PSG9: variants seen among roughly 807,000 people sequenced by gnomAD.
PSG9 encodes pregnancy specific beta-1-glycoprotein 9, also known as pregnancy-specific beta-1-glycoprotein 9.
A neutral mutation model predicts 41.9 loss-of-function variants in PSG9; 49 were observed. That is an observed-to-expected ratio of 1.17 (90% CI 0.93 to 1.48). The LOEUF (loss-of-function observed/expected upper bound fraction) is 1.48. PSG9 is among the 40% of genes most tolerant of loss of function. The probability of loss-of-function intolerance (pLI) is 0.00; values close to 1 mark genes in which losing one functional copy is unlikely to be tolerated. For synonymous variants in PSG9, 263 were observed against 196.8 expected (o/e 1.34, Z -2.82); for missense variants, 641 against 520.3 (o/e 1.23, Z -2.26).
Position 43,267,827 on chromosome 19 carries a change from A to C in PSG9, c.387T>G (p.Asp129Glu). The change falls in exon 2 of 6, where the codon GAT (aspartate) becomes GAG (glutamate). Residue 129 changes from aspartate to glutamate, a missense_variant. Physicochemically the swap from Asp to Glu is conservative, Grantham distance 45. Transcript: ENST00000270077. The part of the protein sequence containing the change: ...TYTLHIIKRG[D>E]ETREEIRHFT... The stretch of plus-strand genomic sequence containing the variant: ...AATGTCGAATTTCTTCTCTAGTCTC[A>C]TCACCTCGCTTTATGATGTGTAAGG... 2 of 1,613,480 alleles carry C rather than the reference A, an allele frequency of 1.2e-6. No homozygotes were observed.
Position 43,268,337 on chromosome 19 carries a change from G to T in PSG9, c.65-188C>A, listed in dbSNP as rs200839201. On this transcript the variant is annotated intron_variant, in intron 1 of 5. Coordinates refer to ENST00000270077, the MANE Select transcript of PSG9 (RefSeq NM_002784.5). The stretch of plus-strand genomic sequence containing the variant: ...TATGTGTATGTGTGTGTGTCCTACT[G>T]TCCTACTAGGTCAAGGTCAGCAGCA... Among the ~76,000 whole-genome samples the T allele has an allele frequency of 2.0e-5, 3 of 151,494 alleles. No homozygotes were observed. In the East Asian group the frequency reaches 5.8e-4, roughly 29 times the overall value.
chr19:43,253,374 A>G lies in PSG9; in HGVS notation c.*235T>C, dbSNP rs1183482537. The stretch of plus-strand genomic sequence containing the variant: ...CTGGGGCATTCAGATAGACAGCAAA[A>G]GCAAATATTTCAATTTTTGTTTACA... On this transcript the variant is annotated 3_prime_UTR_variant, in exon 6 of 6. Transcript: ENST00000270077. 12 of 373,816 alleles carry G rather than the reference A, an allele frequency of 3.2e-5. 1 individual carries two copies. In the Admixed American group the frequency reaches 4.6e-4, roughly 14 times the overall value. 23.2% of individuals were successfully genotyped at this position (373,816 alleles called of 1,614,324 possible). A position where few individuals can be genotyped will look rare whatever the true frequency, so the allele number is the denominator to read the frequency against.
intron 2 of PSG9, among the ~76,000 whole-genome samples, chr19:43,262,425 T>G (rs1158726546): frequency 2.6e-5 from 4 of 152,164 alleles, no homozygotes; most frequent in Non-Finnish European, 5.9e-5. Context: ...CTGATGCCTC[T>G]TTGAGTCCCT....
intron 2 of PSG9, among the ~76,000 whole-genome samples, chr19:43,265,667 TA>T (rs1168837240): frequency 1.3e-5 from 2 of 152,116 alleles, no homozygotes; most frequent in Non-Finnish European, 2.9e-5. Flanking sequence ...TTGGAGTCAT[TA>T]AAATCTTTCT....
At chr19:43,262,527 C>G (rs146799818) in intron 2 of PSG9, among the ~76,000 whole-genome samples, 4 of 152,168 alleles carry the variant, frequency 2.6e-5, no homozygotes, top group African/African-American at 9.7e-5. Context: ...ACTTTGCCCC[C>G]TGAGGTATGT....
At chr19:43,267,512 G>A (rs1599841769) in intron 2 of PSG9, among the ~76,000 whole-genome samples, 1 of 152,138 alleles carries the variant, frequency 6.6e-6, no homozygotes, top group Admixed American at 6.5e-5. Flanking sequence ...GGCATGATGT[G>A]CTTGGCTGAG....
chr19:43,264,942 A>C (rs1268511858), intron 2 of PSG9, among the ~76,000 whole-genome samples: 1 of 152,094 alleles, frequency 6.6e-6, no homozygotes, highest in Non-Finnish European at 1.5e-5. Context: ...GGGTGAAATG[A>C]GTCCATGTGC....
chr19:43,266,605 A>C (rs1968979473), intron 2 of PSG9, among the ~76,000 whole-genome samples: 1 of 152,056 alleles, frequency 6.6e-6, no homozygotes, highest in Non-Finnish European at 1.5e-5. Context: ...TATTTTTTGC[A>C]CTGACTCTGA....
chr19:43,254,982 T>C (rs1240289451), intron 5 of PSG9, among the ~76,000 whole-genome samples: 1 of 143,642 alleles, frequency 7.0e-6, no homozygotes, highest in Non-Finnish European at 1.5e-5. Flanking sequence ...TCCTAGCATC[T>C]TGGGAGGCTG....
intron 1 of PSG9, among the ~76,000 whole-genome samples, chr19:43,268,625 A>G (rs922846196): frequency 1.3e-4 from 20 of 152,158 alleles, no homozygotes; most frequent in Admixed American, 1.2e-3. Flanking sequence ...TCCCCATGAC[A>G]GCGTGAGCTC....
chr19:43,255,716 C>T (rs1465113851), intron 5 of PSG9, among the ~76,000 whole-genome samples: 1 of 145,996 alleles, frequency 6.8e-6, no homozygotes, highest in Non-Finnish European at 1.5e-5. Context: ...TAACCATGAA[C>T]AATCTGAAGG....
In PSG9 at chr19:43,267,674, A is replaced by G. The variant is rs531744117; in HGVS notation, c.430+110T>C. The G allele has an allele frequency of 3.1e-3, 4,794 of 1,547,466 alleles. 31 individuals are homozygous for G. Among genetic ancestry groups the G allele is most frequent in the Non-Finnish European group, 4.0e-3 (4,438 of 1,121,634 alleles). On this transcript the variant is annotated intron_variant, in intron 2 of 5. Transcript: ENST00000270077. The stretch of plus-strand genomic sequence containing the variant: ...CTAAATGCCCAAACCCCAGCATGGG[A>G]CATAATGCAGAGAGTGACACAGGCA...
At chr19:43,267,586 G>A (rs1406995730) in intron 2 of PSG9, among the ~76,000 whole-genome samples, 198 bp downstream of exon 2, 2 of 152,084 alleles carry the variant, frequency 1.3e-5, no homozygotes, top group Non-Finnish European at 2.9e-5. Flanking sequence ...GTGTCTGCAG[G>A]GTCTGGATGC....
rs779358971 is a variant in PSG9, at chr19:43,262,076, C to T, written c.493G>A (p.Val165Met). 2.5e-6 allele frequency: 4 copies of T among 1,614,004 alleles called. No individual in the cohort carries two copies. In the South Asian group the frequency reaches 4.4e-5, roughly 18 times the overall value. Residue 165 changes from valine (V) to methionine (M), a missense_variant, in exon 3 of 6, where the codon GTG becomes ATG. By Grantham distance (21) the Val-to-Met change is conservative. Coordinates refer to ENST00000270077, the MANE Select transcript of PSG9 (RefSeq NM_002784.5). The stretch of plus-strand genomic sequence containing the variant: ...GTCTCAGGATCACAGATTAAGCGCA[C>T]AGCCTCCATGGCCTCCCTGGGGTTT... ...NLNPREAMEA[V>M]RLICDPETLD...
In PSG9 at chr19:43,267,917, T is replaced by C. The variant is rs1427656057; in HGVS notation, c.297A>G (p.Glu99=). ...GCAGGGATGCGTTGGAATATACTGT[T>C]TCTCTTCCACTGTATGCAGGCCCAT... ...IIYGPAYSGR[E]TVYSNASLLI... Residue 99 remains glutamate (E), a synonymous_variant, in exon 2 of 6, where the codon GAA becomes GAG. Transcript: ENST00000270077. 6.2e-7 allele frequency: 1 copy of C among 1,613,820 alleles called. No homozygotes were observed. Among genetic ancestry groups the C allele is most frequent in the South Asian group, 1.1e-5 (1 of 91,072 alleles).
At chr19:43,262,825 G>C (rs917643184) in intron 2 of PSG9, among the ~76,000 whole-genome samples, 2 of 152,154 alleles carry the variant, frequency 1.3e-5, no homozygotes, top group Non-Finnish European at 2.9e-5. Context: ...AAGAGTGAAG[G>C]GGCCAGGCAG....
At chr19:43,269,298 C>A (rs555721125) in intron 1 of PSG9, 70 bp downstream of exon 1, 16 of 1,609,582 alleles carry the variant, frequency 9.9e-6, no homozygotes, top group Admixed American at 1.7e-5. Context: ...CAACCCCATC[C>A]TCTCCAGGAG....
chr19:43,255,233 C>T (rs1968406234), intron 5 of PSG9, among the ~76,000 whole-genome samples: 1 of 145,942 alleles, frequency 6.9e-6, no homozygotes, highest in African/African-American at 2.6e-5. Context: ...ATGAAATGGA[C>T]CAACTCCTAG....
chr19:43,259,095 G>C lies in PSG9; in HGVS notation c.750C>G (p.Asn250Lys), dbSNP rs538308814. Residue 250 changes from asparagine (N) to lysine (K), a missense_variant, in exon 4 of 6, where the codon AAC becomes AAG. Transcript: ENST00000270077. ...PIPYITINNL[N>K]PRENKDVLAF... ...CTAAGACATCCTTATTCTCCCTGGGGTTTAAGTTGTTGATGGTGATGTAGG... is the reference window on the plus strand; with the variant it reads ...CTAAGACATCCTTATTCTCCCTGGGCTTTAAGTTGTTGATGGTGATGTAGG... The C allele has an allele frequency of 6.3e-7, 1 of 1,590,598 alleles. No homozygotes were observed. The highest frequency in any genetic ancestry group is 1.1e-5 in the South Asian group (1 of 89,864).
Sources: gnomAD v4.1 joint callset for allele counts (sites outside exome capture counted in the v4.1 genomes callset) on GRCh38, gnomAD v4.1.1 for gene constraint, MANE v1.5 for transcripts, NCBI Gene and HGNC (gene_info 2026-07-23, HGNC 2026-07-21) for gene names.